TANC2: variants seen among roughly 807,000 people sequenced by gnomAD.
The protein encoded by TANC2 is protein TANC2.
TANC2 carries 26 observed loss-of-function variants against 210.5 expected under a neutral mutation model. That is an observed-to-expected ratio of 0.12 (90% confidence interval 0.09 to 0.17). The LOEUF is 0.17. TANC2 is among the 10% of genes least tolerant of loss of function. TANC2 has a pLI of 1.00. For missense variants in TANC2, 2,129 were observed against 2,608.9 expected (o/e 0.82, Z 4.01); for synonymous variants, 931 against 967.1 (o/e 0.96, Z 0.69).
intron 14 of TANC2, among the ~76,000 whole-genome samples, chr17:63,365,648 C>T (rs999186457): frequency 1.3e-5 from 2 of 152,110 alleles, no homozygotes; most frequent in African/African-American, 4.8e-5. Context: ...TTCTTTCTCC[C>T]TCTTATTCAC....
At chr17:63,197,591 A>C (rs2041386823) in intron 6 of TANC2, 1 of 151,906 alleles carries the variant, frequency 6.6e-6, no homozygotes, top group Admixed American at 6.6e-5. Context: ...ATTTTTCTGC[A>C]AAAAAAACAA....
chr17:63,202,640 G>A (rs975517262), intron 7 of TANC2, among the ~76,000 whole-genome samples: 1 of 152,044 alleles, frequency 6.6e-6, no homozygotes, highest in Non-Finnish European at 1.5e-5. Flanking sequence ...TTTATACATA[G>A]GTAGACAAAA....
chr17:63,153,472 A>T (rs1257858425), intron 5 of TANC2: 1 of 152,166 alleles, frequency 6.6e-6, no homozygotes, highest in Non-Finnish European at 1.5e-5. Context: ...TTCAAACTTT[A>T]ACTTACTTCA....
At chr17:63,113,464 C>T (rs955744417) in intron 4 of TANC2, among the ~76,000 whole-genome samples, 6 of 152,062 alleles carry the variant, frequency 3.9e-5, no homozygotes, top group African/African-American at 7.2e-5. Flanking sequence ...TCATTCATGT[C>T]GTGGGCAGAA....
intron 5 of TANC2, among the ~76,000 whole-genome samples, chr17:63,179,831 C>G (rs549072401): frequency 6.6e-6 from 1 of 152,106 alleles, no homozygotes; most frequent in Non-Finnish European, 1.5e-5. Flanking sequence ...CTGTGCTCTT[C>G]CTAGCACTTC....
chr17:63,066,131 TG>T (rs1445830429), intron 2 of TANC2, among the ~76,000 whole-genome samples: 1 of 152,100 alleles, frequency 6.6e-6, no homozygotes, highest in Non-Finnish European at 1.5e-5. Context: ...GCTGGAGCCT[TG>T]GCCCTCAGGG....
chr17:63,365,494 T>C (rs2047083815), intron 14 of TANC2, among the ~76,000 whole-genome samples: 1 of 152,200 alleles, frequency 6.6e-6, no homozygotes, highest in South Asian at 2.1e-4. Context: ...CAGAGCAATC[T>C]TATAAAAACA....
chr17:63,388,833 C>T, intron 16 of TANC2, 76 bp downstream of exon 16: 1 of 1,127,710 alleles, frequency 8.9e-7, no homozygotes, highest in Non-Finnish European at 1.2e-6. Context: ...CATTAAGTAG[C>T]TATTTAGTTG....
chr17:63,071,026 A>C (rs954771484), intron 2 of TANC2, among the ~76,000 whole-genome samples: 1 of 152,194 alleles, frequency 6.6e-6, no homozygotes, highest in Non-Finnish European at 1.5e-5. Context: ...AGTAATTCAT[A>C]TATCAGTGTC....
At chr17:63,002,717 T>C (rs1054318375) in intron 1 of TANC2, among the ~76,000 whole-genome samples, 2 of 152,184 alleles carry the variant, frequency 1.3e-5, no homozygotes, top group African/African-American at 4.8e-5. Flanking sequence ...ATTCTTGAAG[T>C]TGGTATAAAT....
At chr17:63,090,392 G>A (rs1222066892) in intron 3 of TANC2, among the ~76,000 whole-genome samples, 1 of 151,934 alleles carries the variant, frequency 6.6e-6, no homozygotes, top group Non-Finnish European at 1.5e-5. Flanking sequence ...GCCCCGGTGT[G>A]TGATGTTCCC....
intron 9 of TANC2, among the ~76,000 whole-genome samples, chr17:63,310,660 T>C (rs907196428): frequency 1.8e-4 from 27 of 152,174 alleles, no homozygotes; most frequent in Non-Finnish European, 4.0e-4. Context: ...AGAATTCAGA[T>C]AGCCAATACA....
intron 8 of TANC2, among the ~76,000 whole-genome samples, chr17:63,260,398 C>G (rs2043321547): frequency 1.3e-5 from 2 of 152,232 alleles, no homozygotes; most frequent in Non-Finnish European, 2.9e-5. Flanking sequence ...AAGCAGGGTT[C>G]TGTTCAAGTA....
At chr17:63,076,284 G>A (rs2036569801) in intron 3 of TANC2, among the ~76,000 whole-genome samples, 1 of 152,110 alleles carries the variant, frequency 6.6e-6, no homozygotes, top group Admixed American at 6.5e-5. Context: ...GCATAGTTGA[G>A]GGCAGAAGTC....
intron 8 of TANC2, among the ~76,000 whole-genome samples, chr17:63,239,492 C>T (rs1441992767): frequency 5.3e-5 from 8 of 152,214 alleles, no homozygotes; most frequent in South Asian, 4.1e-4. Flanking sequence ...CCCTTTCCTA[C>T]GTGTTCTTTG....
At chr17:63,222,022 A>G (rs1438962535) in intron 7 of TANC2, among the ~76,000 whole-genome samples, 1 of 152,204 alleles carries the variant, frequency 6.6e-6, no homozygotes, top group Non-Finnish European at 1.5e-5. Flanking sequence ...AATTCCATAA[A>G]CTGGATAGCT....
chr17:63,353,836 G>A (rs2046697632), intron 13 of TANC2, among the ~76,000 whole-genome samples: 1 of 152,146 alleles, frequency 6.6e-6, no homozygotes, highest in African/African-American at 2.4e-5. Flanking sequence ...GGTTGAGGAA[G>A]ATGAGAACTG....
chr17:63,237,746 A>G (rs188565316), intron 7 of TANC2, 68 bp from the exon 8 acceptor site: 69 of 1,431,560 alleles, frequency 4.8e-5, no homozygotes, highest in Non-Finnish European at 6.4e-5. Flanking sequence ...GTTTTTATCA[A>G]CTTTGTCAAA....
intron 13 of TANC2, 100 bp from the exon 14 acceptor site, chr17:63,354,682 AC>A (rs2146901917): frequency 6.9e-7 from 1 of 1,445,210 alleles, no homozygotes; most frequent in East Asian, 2.3e-5. Flanking sequence ...CTGTTTGGCC[AC>A]TTCGAAGTTC....
Sources: gnomAD v4.1 joint callset for allele counts (sites outside exome capture counted in the v4.1 genomes callset) on GRCh38, gnomAD v4.1.1 for gene constraint, MANE v1.5 for transcripts, NCBI Gene and HGNC (gene_info 2026-07-23, HGNC 2026-07-21) for gene names.